The following NRXN1 variants were observed in gnomAD, a reference collection of about 807,000 sequenced individuals.
NRXN1 encodes the protein neurexin 1.
A neutral mutation model predicts 150.9 loss-of-function variants in NRXN1; 39 were observed. The ratio of observed to expected loss-of-function variants is 0.26; its 90% confidence interval spans 0.20 to 0.34. NRXN1 has a LOEUF of 0.34. Ranked by LOEUF, NRXN1 falls within the 10% of genes least tolerant of loss-of-function variation. The pLI, the probability that NRXN1 is intolerant of heterozygous loss-of-function variation, is 1.00. For missense variants in NRXN1, 1,815 were observed against 1,949.9 expected, an observed-to-expected ratio of 0.93 and a Z score of 1.30; for synonymous variants, 924 against 757.0, an observed-to-expected ratio of 1.22 and a Z score of -3.62.
intron 19 of NRXN1, among the ~76,000 whole-genome samples, chr2:50,089,028 A>G (rs532224675): frequency 1.3e-5 from 2 of 152,288 alleles, no homozygotes; most frequent in South Asian, 2.1e-4. Context: ...AGCATCCTGT[A>G]TTTCTCTTTT....
At chr2:51,030,598 G>T (rs1264609816) in intron 1 of NRXN1, among the ~76,000 whole-genome samples, 4 of 150,418 alleles carry the variant, frequency 2.7e-5, no homozygotes, top group Non-Finnish European at 5.9e-5. Flanking sequence ...CATACACACT[G>T]CCCACTAGCA....
In NRXN1 at chr2:50,531,211, G is replaced by C. The variant is rs2093093527; in HGVS notation, c.2347+16C>G. On this transcript the variant is annotated intron_variant, in intron 11 of 22. Transcript: ENST00000401669. ...GTAAAAAAGTGTTAGTTCAATGGGG[G>C]AAGGCAGGTTGTTACCTAGATTGAC... 1 of 1,604,344 alleles carries C rather than the reference G, an allele frequency of 6.2e-7. No homozygotes were observed.
chr2:50,970,894 T>A (rs1694892894), intron 2 of NRXN1, among the ~76,000 whole-genome samples: 1 of 152,136 alleles, frequency 6.6e-6, no homozygotes, highest in African/African-American at 2.4e-5. Flanking sequence ...TCCAGAAATT[T>A]ACTCTTGAAA....
At chr2:50,896,287 C>T (rs1265442603) in intron 5 of NRXN1, among the ~76,000 whole-genome samples, 1 of 152,140 alleles carries the variant, frequency 6.6e-6, no homozygotes, top group Non-Finnish European at 1.5e-5. Context: ...AGCTCATAGC[C>T]TAATACACAC....
At chr2:50,598,432 T>A (rs1675606864) in intron 8 of NRXN1, among the ~76,000 whole-genome samples, 1 of 151,408 alleles carries the variant, frequency 6.6e-6, no homozygotes, top group Non-Finnish European at 1.5e-5. Context: ...TAAAATAAAC[T>A]TTTTTAAATC....
intron 18 of NRXN1, among the ~76,000 whole-genome samples, chr2:50,117,438 A>C (rs904891050): frequency 5.9e-5 from 9 of 152,172 alleles, no homozygotes; most frequent in Non-Finnish European, 1.3e-4. Flanking sequence ...ATTTAAATAC[A>C]GTCATAAACT....
At chr2:50,276,172 T>A (rs1470401109) in intron 17 of NRXN1, among the ~76,000 whole-genome samples, 1 of 152,048 alleles carries the variant, frequency 6.6e-6, no homozygotes, top group Non-Finnish European at 1.5e-5. Flanking sequence ...TTCTTTTGAT[T>A]CTAAGGGGGA....
chr2:50,452,169 G>C (rs1344957225), intron 17 of NRXN1, among the ~76,000 whole-genome samples: 1 of 152,170 alleles, frequency 6.6e-6, no homozygotes, highest in Non-Finnish European at 1.5e-5. Flanking sequence ...AAGTTTCCTT[G>C]CTGAAAAGAG....
At chr2:50,367,031 T>G (rs898923637) in intron 17 of NRXN1, among the ~76,000 whole-genome samples, 1 of 151,974 alleles carries the variant, frequency 6.6e-6, no homozygotes, top group African/African-American at 2.4e-5. Context: ...AGCTGAGGCC[T>G]CCAGGCGTCT....
At chr2:50,770,878 C>T (rs1702937172) in intron 5 of NRXN1, among the ~76,000 whole-genome samples, 1 of 152,016 alleles carries the variant, frequency 6.6e-6, no homozygotes, top group South Asian at 2.1e-4. Flanking sequence ...TTTTTCCATA[C>T]TTCAGATATT....
chr2:50,646,708 CTTTTTTTTT>C lies in NRXN1; in HGVS notation c.833-23102_833-23094del, dbSNP rs552231598. 1.3e-4 allele frequency among the ~76,000 whole-genome samples: 14 copies of C among 107,440 alleles called. No individual in the cohort carries two copies. In the Admixed American group the frequency reaches 1.3e-3, roughly 10 times the overall value. 70.5% of individuals were successfully genotyped at this position (107,440 alleles called of 152,430 possible). A position where few individuals can be genotyped will look rare whatever the true frequency, so the allele number is the denominator to read the frequency against. ...TCCTGCCTCTGTACTTTCATGTTGTCTTTTTTTTTTTTTTTTTTTTTCTCTCTGAGCTGT... is the reference window on the plus strand; with the variant it reads ...TCCTGCCTCTGTACTTTCATGTTGTCTTTTTTTTTTTTCTCTCTGAGCTGT... On this transcript the variant is annotated intron_variant, in intron 5 of 22. Coordinates refer to ENST00000401669, the MANE Select transcript of NRXN1 (RefSeq NM_001330078.2).
At chr2:50,287,452 T>C (rs991524235) in intron 17 of NRXN1, among the ~76,000 whole-genome samples, 2 of 152,148 alleles carry the variant, frequency 1.3e-5, no homozygotes, top group African/African-American at 4.8e-5. Context: ...TTTAATGCTT[T>C]TGTTTTTTAG....
At chr2:50,875,112 A>T (rs2106118904) in intron 5 of NRXN1, among the ~76,000 whole-genome samples, 2 of 151,898 alleles carry the variant, frequency 1.3e-5, no homozygotes, top group East Asian at 2.0e-4. Context: ...TAGTAGTATC[A>T]GACTCTCCCC....
chr2:51,013,783 C>T (rs1039240595), intron 2 of NRXN1, among the ~76,000 whole-genome samples: 2 of 152,004 alleles, frequency 1.3e-5, no homozygotes, highest in African/African-American at 2.4e-5. Context: ...TTTTCTCTTT[C>T]CTTCGGCCTA....
At chr2:50,899,755 T>A (rs894754482) in intron 5 of NRXN1, among the ~76,000 whole-genome samples, 1 of 152,204 alleles carries the variant, frequency 6.6e-6, no homozygotes, top group Non-Finnish European at 1.5e-5. Context: ...TTTTCTTTGA[T>A]GTAACCCCAT....
At chr2:51,026,146 C>T (rs755310444) in intron 2 of NRXN1, among the ~76,000 whole-genome samples, 1 of 152,178 alleles carries the variant, frequency 6.6e-6, no homozygotes, top group Non-Finnish European at 1.5e-5. Flanking sequence ...TTAGCACTGT[C>T]AGCAAAAATC....
At chr2:50,446,691 A>G (rs2086444195) in intron 17 of NRXN1, among the ~76,000 whole-genome samples, 1 of 151,800 alleles carries the variant, frequency 6.6e-6, no homozygotes, top group Non-Finnish European at 1.5e-5. Flanking sequence ...ATACTGAGTA[A>G]TACTTTTTGG....
At chr2:50,737,132 GC>G (rs1170736964) in intron 5 of NRXN1, among the ~76,000 whole-genome samples, 1 of 152,030 alleles carries the variant, frequency 6.6e-6, no homozygotes, top group Non-Finnish European at 1.5e-5. Context: ...GGCAGTGCGT[GC>G]CTGTAATCCC....
chr2:50,031,609 C>T (rs919173048), intron 21 of NRXN1, among the ~76,000 whole-genome samples: 1 of 151,944 alleles, frequency 6.6e-6, no homozygotes, highest in Non-Finnish European at 1.5e-5. Flanking sequence ...GCCAATTCTC[C>T]ACCAGTCAGA....
Sources: allele counts gnomAD v4.1 joint callset (sites outside exome capture counted in the v4.1 genomes callset), GRCh38; gene constraint gnomAD v4.1.1; transcripts MANE v1.5; gene names NCBI Gene and HGNC (gene_info 2026-07-23, HGNC 2026-07-21).